ATG7: variants seen among roughly 807,000 people sequenced by gnomAD.
ATG7 encodes ubiquitin-like modifier-activating enzyme ATG7.
A neutral mutation model predicts 82.4 loss-of-function variants in ATG7; 70 were observed. The observed-to-expected ratio is 0.85, with a 90% CI of 0.70 to 1.04. ATG7 has a LOEUF of 1.04. Ranked by LOEUF, ATG7 falls within the 50% of genes least tolerant of loss-of-function variation. The probability of loss-of-function intolerance (pLI) is 0.00; values close to 1 mark genes in which losing one functional copy is unlikely to be tolerated. For missense variants in ATG7, 792 were observed against 864.3 expected, an observed-to-expected ratio of 0.92 and a Z score of 1.05; for synonymous variants, 287 against 313.0, an observed-to-expected ratio of 0.92 and a Z score of 0.88.
Position 11,360,616 on chromosome 3 carries a change from T to G in ATG7, c.1515T>G (p.Phe505Leu). ...VINAALGFDT[F>L]VVMRHGLKKP... ...ATGCTGCTTTGGGATTTGACACATT[T>G]GTTGTCATGAGACATGGTCTGAAGA... The change falls in exon 16 of 21, where the codon TTT (phenylalanine) becomes TTG (leucine). Residue 505 changes from phenylalanine (F) to leucine (L), a missense_variant. Phe to Leu is a conservative substitution (Grantham distance 22). Transcript: ENST00000693202. 6.2e-7 allele frequency: 1 copy of G among 1,614,160 alleles called. No homozygotes were observed. The highest frequency in any genetic ancestry group is 2.2e-5 in the East Asian group (1 of 44,890).
At chr3:11,480,250 C>T (rs1435782792) in intron 20 of ATG7, among the ~76,000 whole-genome samples, 1 of 152,040 alleles carries the variant, frequency 6.6e-6, no homozygotes, top group East Asian at 2.0e-4. Flanking sequence ...TTTTTAAAAC[C>T]TGTCTGGGTG....
At chr3:11,573,259 GAA>G in the ATG7 span, among the ~76,000 whole-genome samples, 65 of 10,758 alleles carry the variant, frequency 6.0e-3, 2 homozygotes, top group African/African-American at 8.3e-3. Flanking sequence ...AAGAAAGAAA[GAA>G]AGAAAGAAAG....
chr3:11,396,449 A>T (rs1192027170), intron 19 of ATG7, among the ~76,000 whole-genome samples: 1 of 152,176 alleles, frequency 6.6e-6, no homozygotes, highest in Non-Finnish European at 1.5e-5. Flanking sequence ...AAGAAAAAAA[A>T]ATGTGGGTAA....
intron 9 of ATG7, among the ~76,000 whole-genome samples, chr3:11,326,778 G>A (rs897787766): frequency 2.0e-5 from 3 of 152,204 alleles, no homozygotes; most frequent in Non-Finnish European, 4.4e-5. Flanking sequence ...AGAGCTCAAG[G>A]AAGACAACTT....
intron 9 of ATG7, 108 bp from the exon 10 acceptor site, chr3:11,331,232 T>C: frequency 1.1e-6 from 1 of 903,256 alleles, no homozygotes; most frequent in Admixed American, 2.0e-5. Flanking sequence ...GTTTAATTTT[T>C]AAGGCTTTGC....
chr3:11,297,839 A>G (rs1302260313), intron 3 of ATG7, among the ~76,000 whole-genome samples: 2 of 152,150 alleles, frequency 1.3e-5, no homozygotes, highest in Non-Finnish European at 2.9e-5. Flanking sequence ...TTGTACTTGC[A>G]GAGTTCTCCA....
At chr3:11,495,987 T>C (rs1385866197) in intron 20 of ATG7, among the ~76,000 whole-genome samples, 1 of 152,180 alleles carries the variant, frequency 6.6e-6, no homozygotes, top group Non-Finnish European at 1.5e-5. Context: ...TCCAGGCACT[T>C]TCCACATGGT....
chr3:11,498,673 A>T (rs912752465), intron 20 of ATG7, among the ~76,000 whole-genome samples: 4 of 152,202 alleles, frequency 2.6e-5, no homozygotes, highest in African/African-American at 9.7e-5. Flanking sequence ...CACTGACTCC[A>T]GAAGAGGCTG....
chr3:11,302,082 G>A (rs925613905), intron 5 of ATG7, among the ~76,000 whole-genome samples: 1 of 152,186 alleles, frequency 6.6e-6, no homozygotes, highest in African/African-American at 2.4e-5. Context: ...AATACCCTCA[G>A]TGTGCAAGGC....
chr3:11,302,757 T>C (rs1228593890), intron 5 of ATG7, among the ~76,000 whole-genome samples: 1 of 152,228 alleles, frequency 6.6e-6, no homozygotes. Context: ...AGTACTCACT[T>C]ATAGATGTCA....
chr3:11,383,059 A>G (rs368805633), intron 19 of ATG7, among the ~76,000 whole-genome samples: 2 of 152,218 alleles, frequency 1.3e-5, no homozygotes, highest in African/African-American at 4.8e-5. Context: ...TAAACACAAT[A>G]TCCTTATCAA....
intron 11 of ATG7, among the ~76,000 whole-genome samples, chr3:11,340,081 A>G (rs910706574): frequency 2.6e-5 from 4 of 152,204 alleles, no homozygotes; most frequent in South Asian, 2.1e-4. Flanking sequence ...GGGAGAAGTC[A>G]GGGAAGGGAA....
intron 20 of ATG7, among the ~76,000 whole-genome samples, chr3:11,452,384 CAAAAAAAAAAAAAA>C (rs34530409): frequency 1.2e-3 from 73 of 58,424 alleles, no homozygotes; most frequent in South Asian, 2.1e-3. Flanking sequence ...GAACCTGTCT[CAAAAAAAAAAAAAA>C]AAAAAAAAAA....
At chr3:11,339,302 AAAAAAAAAAAAG>A (rs898026319) in intron 11 of ATG7, among the ~76,000 whole-genome samples, 7 of 143,608 alleles carry the variant, frequency 4.9e-5, no homozygotes, top group Admixed American at 7.0e-5. Context: ...TTTCAAAAAA[AAAAAAAAAAAAG>A]AAAAGAAAAG....
At chr3:11,304,676 C>T (rs1053443041) in intron 5 of ATG7, 1 of 152,244 alleles carries the variant, frequency 6.6e-6, no homozygotes, top group African/African-American at 2.4e-5. Flanking sequence ...CGCTGTGAGA[C>T]TGAATGAAGT....
At chr3:11,357,790 C>A (rs1287484424) in intron 14 of ATG7, among the ~76,000 whole-genome samples, 1 of 151,838 alleles carries the variant, frequency 6.6e-6, no homozygotes, top group East Asian at 1.9e-4. Flanking sequence ...CAGGAGGATT[C>A]CTTGAGCCAA....
rs543580651 is a variant in ATG7 at position 11,402,021 on chromosome 3, GT to G, written c.1956+21977del. Among the ~76,000 whole-genome samples, 24 of 151,976 alleles carry G rather than the reference GT, an allele frequency of 1.6e-4. No individual in the cohort carries two copies. In the South Asian group the frequency reaches 3.5e-3, roughly 22 times the overall value. ...AGATGTTAAGTGTACAACTTGGTGG[GT>G]TTTTTTTCACATGTAAATACCCATG... On this transcript the variant is annotated intron_variant, in intron 19 of 20. Coordinates refer to ENST00000693202, the MANE Select transcript of ATG7 (RefSeq NM_001349232.2).
At chr3:11,459,591 C>T (rs2086109041) in intron 20 of ATG7, among the ~76,000 whole-genome samples, 1 of 151,874 alleles carries the variant, frequency 6.6e-6, no homozygotes, top group Non-Finnish European at 1.5e-5. Flanking sequence ...TCCTGGAAGC[C>T]AGAGCCAACA....
intron 20 of ATG7, among the ~76,000 whole-genome samples, chr3:11,433,927 C>G (rs2083139936): frequency 6.6e-6 from 1 of 152,164 alleles, no homozygotes; most frequent in South Asian, 2.1e-4. Flanking sequence ...CAGGGCTGAG[C>G]TGATTAATTG....
Sources: gnomAD v4.1 joint callset for allele counts (sites outside exome capture counted in the v4.1 genomes callset) on GRCh38, gnomAD v4.1.1 for gene constraint, MANE v1.5 for transcripts, NCBI Gene and HGNC (gene_info 2026-07-23, HGNC 2026-07-21) for gene names.